WIZ: variants seen among roughly 807,000 people sequenced by gnomAD.
The protein encoded by WIZ is protein Wiz.
A neutral mutation model predicts 140.2 loss-of-function variants in WIZ; 25 were observed. That is an observed-to-expected ratio of 0.18 (90% CI 0.13 to 0.25). The LOEUF is 0.25. WIZ is among the 10% of genes least tolerant of loss of function. The pLI is 1.00. For missense variants in WIZ, 2,231 were observed against 2,632.6 expected (o/e 0.85, Z 3.34); for synonymous variants, 1,125 against 1,154.3 (o/e 0.97, Z 0.51).
chr19:15,422,947 A>C lies in WIZ; in HGVS notation c.*129T>G. 1 of 1,370,854 alleles carries C rather than the reference A, an allele frequency of 7.3e-7. No homozygotes were observed. The highest frequency in any genetic ancestry group is 9.7e-7 in the Non-Finnish European group (1 of 1,031,452). 84.9% of individuals were successfully genotyped at this position (1,370,854 alleles called of 1,614,324 possible). A position where few individuals can be genotyped will look rare whatever the true frequency, so the allele number is the denominator to read the frequency against. ...CTGGCTGTAGTGTGCCCGGCCCCCAAGGGGCGCCGGTTTGAGGTTTTGGCT... is the reference window on the plus strand; with the variant it reads ...CTGGCTGTAGTGTGCCCGGCCCCCACGGGGCGCCGGTTTGAGGTTTTGGCT... On this transcript the variant is annotated 3_prime_UTR_variant, in exon 13 of 13. Coordinates refer to ENST00000673675, the MANE Select transcript of WIZ (RefSeq NM_001371589.1).
chr19:15,426,213 G>C (rs1279645393), intron 9 of WIZ, among the ~76,000 whole-genome samples: 1 of 151,986 alleles, frequency 6.6e-6, no homozygotes, highest in Admixed American at 6.6e-5. Context: ...ACTTTGGGAC[G>C]GTCTAAAATG....
At chr19:15,432,513 CGGTGGTGGT>C (rs924028663) in intron 5 of WIZ, 2 of 434,358 alleles carry the variant, frequency 4.6e-6, no homozygotes, top group African/African-American at 2.7e-5. Context: ...GTGGCGGTGG[CGGTGGTGGT>C]GGCGGCGGCG....
rs1279655168 is a variant in WIZ, at chr19:15,439,101, C to T, written c.1893G>A (p.Glu631=). Reference sequence around the variant, plus strand: ...CCCCATTTTCAGGGGAAAAATCCATCTCGGAGGTCAGCACTACATCCTCCT... The same window carrying T: ...CCCCATTTTCAGGGGAAAAATCCATTTCGGAGGTCAGCACTACATCCTCCT... The part of the protein sequence containing the change: ...EEEEDVVLTS[E]MDFSPENGVF... The change falls in exon 4 of 13, where the codon GAG becomes GAA. Residue 631 remains glutamate (E), a synonymous_variant. Coordinates refer to ENST00000673675, the MANE Select transcript of WIZ (RefSeq NM_001371589.1). The surrounding 1 kb of genome is among the most constrained non-coding windows in gnomAD (Gnocchi z 7.0). 2.7e-6 allele frequency: 4 copies of T among 1,490,054 alleles called. No homozygotes were observed. The African/African-American group carries it at 4.2e-5, about 16-fold the overall frequency. The allele number at this position is 1,490,054 out of a possible 1,614,324, so 92.3% of individuals were successfully genotyped here.
In WIZ at chr19:15,431,081, T is replaced by G; in HGVS notation, c.2842A>C (p.Ser948Arg). ...GCAGCCACTTTGCTGCTCAGCCGAC[T>G]GGCCACCTGCTCCAGGGCCCCAGGG... ...PVPGALEQVASRLSSKVAAEV... is the reference protein window; with the variant it reads ...PVPGALEQVARRLSSKVAAEV... Residue 948 changes from serine to arginine, a missense_variant, in exon 6 of 13, where the codon AGT becomes CGT. Ser to Arg is a moderately radical substitution (Grantham distance 110). Transcript: ENST00000673675. 6.5e-7 allele frequency: 1 copy of G among 1,535,986 alleles called. No homozygotes were observed. The highest frequency in any genetic ancestry group is 8.7e-7 in the Non-Finnish European group (1 of 1,146,824).
chr19:15,448,430 A>T, intron 1 of WIZ, 63 bp from the exon 2 acceptor site: 1 of 1,273,074 alleles, frequency 7.9e-7, no homozygotes, highest in Non-Finnish European at 1.1e-6. Flanking sequence ...TCAGTTTCCC[A>T]TCCCTCAAAA....
At position 15,427,457 on chromosome 19, in the gene WIZ, C is replaced by T. The variant is rs758030451; in HGVS notation, c.3891G>A (p.Ser1297=). Residue 1297 remains serine (S), a synonymous_variant, in exon 9 of 13, where the codon TCG becomes TCA. Transcript: ENST00000673675. The surrounding 1 kb of genome is among the most constrained non-coding windows in gnomAD (Gnocchi z 6.4). Reference sequence around the variant, plus strand: ...GCCGCAGATGGGAGCGCGCGTGGCTCGAGAGGCCCTTGCGGTTCTCGAAGA... The same window carrying T: ...GCCGCAGATGGGAGCGCGCGTGGCTTGAGAGGCCCTTGCGGTTCTCGAAGA... ...GEFFENRKGL[S]SHARSHLRQM... 25 of 1,613,442 alleles carry T rather than the reference C, an allele frequency of 1.5e-5. No homozygotes were observed. The African/African-American group carries it at 2.7e-4, about 17-fold the overall frequency.
chr19:15,425,125 C>G, intron 10 of WIZ, 93 bp from the exon 11 acceptor site: 1 of 1,514,550 alleles, frequency 6.6e-7, no homozygotes. Context: ...ATCCCGCCTC[C>G]CACACAGACC....
Position 15,438,834 on chromosome 19 carries a change from C to T in WIZ, c.2160G>A (p.Leu720=). 4 of 1,492,978 alleles carry T rather than the reference C, an allele frequency of 2.7e-6. No individual in the cohort carries two copies. The South Asian group carries it at 3.7e-5, about 14-fold the overall frequency. The allele number at this position is 1,492,978 out of a possible 1,614,324, so 92.5% of individuals were successfully genotyped here. The stretch of plus-strand genomic sequence containing the variant: ...GGCCGCCCAGCGGCGCGTCCAGGAG[C>T]AGGAAGTCCAGGGGGTGGGCGCCTG... ...GLAGAHPLDF[L]LLDAPLGGPL... The change falls in exon 4 of 13, where the codon CTG becomes CTA. Residue 720 remains leucine, a synonymous_variant. Coordinates refer to ENST00000673675, the MANE Select transcript of WIZ (RefSeq NM_001371589.1).
Position 15,430,101 on chromosome 19 carries a change from C to T in WIZ, c.2912-12G>A, listed in dbSNP as rs1969133222. 2 of 1,509,736 alleles carry T rather than the reference C, an allele frequency of 1.3e-6. No individual in the cohort carries two copies. Among genetic ancestry groups the T allele is most frequent in the Non-Finnish European group, 1.8e-6 (2 of 1,130,320 alleles). 93.5% of individuals were successfully genotyped at this position (1,509,736 alleles called of 1,614,324 possible). A position where few individuals can be genotyped will look rare whatever the true frequency, so the allele number is the denominator to read the frequency against. On this transcript the variant is annotated splice_polypyrimidine_tract_variant and intron_variant, in intron 6 of 12. Coordinates refer to ENST00000673675, the MANE Select transcript of WIZ (RefSeq NM_001371589.1). ...GGTCAGGCTCTGGGCTGAAGGGCAA[C>T]ACAGAGGCCGGGAGAGCAGGCTGTG...
chr19:15,447,705 G>C (rs2145417113), intron 2 of WIZ, among the ~76,000 whole-genome samples: 1 of 152,346 alleles, frequency 6.6e-6, no homozygotes, highest in Non-Finnish European at 1.5e-5. Context: ...CCGTGGTTCA[G>C]GAACAGGATA....
chr19:15,430,790 G>A (rs970684701), intron 6 of WIZ, among the ~76,000 whole-genome samples: 1 of 152,240 alleles, frequency 6.6e-6, no homozygotes, highest in Non-Finnish European at 1.5e-5. Context: ...GCTTCTGGAT[G>A]CTGTCCCTCG....
chr19:15,424,558 G>T lies in WIZ; in HGVS notation c.5314+55C>A. 6.5e-7 allele frequency: 1 copy of T among 1,540,614 alleles called. No individual in the cohort carries two copies. On this transcript the variant is annotated intron_variant, in intron 11 of 12. Coordinates refer to ENST00000673675, the MANE Select transcript of WIZ (RefSeq NM_001371589.1). This position sits in a 1 kb window ranked among gnomAD's most constrained non-coding sequence, Gnocchi z 9.7. ...CAGCAGAGCGCCTGGGGAGTGGCTG[G>T]GTGGGCCTGACAGGTGCCCGCTGCG...
rs1309523824 is a variant in WIZ at position 15,428,847 on chromosome 19, C to T, written c.3416-339G>A. On this transcript the variant is annotated intron_variant, in intron 7 of 12. Transcript: ENST00000673675. This position sits in a 1 kb window ranked among gnomAD's most constrained non-coding sequence, Gnocchi z 6.4. ...TGCTGGGCTCACGCAGCCAAGGGCA[C>T]ACCTGCTCAAGGCCCTGCCCCTGGA... Among the ~76,000 whole-genome samples the T allele has an allele frequency of 1.3e-5, 2 of 152,166 alleles. No individual in the cohort carries two copies.
chr19:15,435,232 AC>A (rs1680302906), intron 5 of WIZ, among the ~76,000 whole-genome samples: 1 of 151,912 alleles, frequency 6.6e-6, no homozygotes, highest in Admixed American at 6.6e-5. Flanking sequence ...CAACCAACAA[AC>A]AAAAAAAAAC....
intron 5 of WIZ, among the ~76,000 whole-genome samples, chr19:15,432,272 G>C (rs1969296716): frequency 6.6e-6 from 1 of 151,952 alleles, no homozygotes; most frequent in African/African-American, 2.4e-5. Context: ...CTGAGGCCTG[G>C]GACCCTGCGA....
At position 15,431,160 on chromosome 19, in the gene WIZ, T is replaced by C. The variant is rs1422121273; in HGVS notation, c.2763A>G (p.Ala921=). 1 of 1,531,106 alleles carries C rather than the reference T, an allele frequency of 6.5e-7. No individual in the cohort carries two copies. Among genetic ancestry groups the C allele is most frequent in the Non-Finnish European group, 8.7e-7 (1 of 1,143,866 alleles). 94.8% of individuals were successfully genotyped at this position (1,531,106 alleles called of 1,614,324 possible). A position where few individuals can be genotyped will look rare whatever the true frequency, so the allele number is the denominator to read the frequency against. The part of the protein sequence containing the change: ...YGDGLGSEEN[A]MVAMDLGSPS... ...GAGAGCCCAAGTCCATGGCCACCATTGCGTTTTCCTCAGAACCCAGGCCTG... is the reference window on the plus strand; with the variant it reads ...GAGAGCCCAAGTCCATGGCCACCATCGCGTTTTCCTCAGAACCCAGGCCTG... The change falls in exon 6 of 13, where the codon GCA becomes GCG. Residue 921 remains alanine (A), a synonymous_variant. Coordinates refer to ENST00000673675, the MANE Select transcript of WIZ (RefSeq NM_001371589.1).
chr19:15,449,906 T>A lies in WIZ; in HGVS notation c.-169A>T, dbSNP rs915916322. 2.0e-5 allele frequency: 3 copies of A among 148,878 alleles called. No individual in the cohort carries two copies. The highest frequency in any genetic ancestry group is 7.4e-5 in the African/African-American group (3 of 40,536). The allele number at this position is 148,878 out of a possible 1,614,324, so 9.2% of individuals were successfully genotyped here. ...CGCTCCCGGTGCCGGTGCCGCGGCC[T>A]CCGCAGCCGCCGCCGCCTCCACCGC... On this transcript the variant is annotated 5_prime_UTR_variant, in exon 1 of 13. Coordinates refer to ENST00000673675, the MANE Select transcript of WIZ (RefSeq NM_001371589.1).
chr19:15,428,290 G>A lies in WIZ; in HGVS notation c.3634C>T (p.Pro1212Ser), dbSNP rs1174604327. 1 of 1,530,168 alleles carries A rather than the reference G, an allele frequency of 6.5e-7. No individual in the cohort carries two copies. The highest frequency in any genetic ancestry group is 8.7e-7 in the Non-Finnish European group (1 of 1,144,538). The allele number at this position is 1,530,168 out of a possible 1,614,324, so 94.8% of individuals were successfully genotyped here. The change falls in exon 8 of 13, where the codon CCG becomes TCG. Residue 1212 changes from proline (P) to serine (S), a missense_variant. Transcript: ENST00000673675. This position sits in a 1 kb window ranked among gnomAD's most constrained non-coding sequence, Gnocchi z 6.4. Reference sequence around the variant, plus strand: ...GCGGAGGTGGGAGGCGGCCGCCCCGGGTGGGCCAGGGCGCCGCGCCTGGGT... The same window carrying A: ...GCGGAGGTGGGAGGCGGCCGCCCCGAGTGGGCCAGGGCGCCGCGCCTGGGT... ...LPPRRGALAH[P>S]GRPPPTSAAL...
At chr19:15,426,721 C>T (rs146744502) in intron 9 of WIZ, among the ~76,000 whole-genome samples, 27 of 152,348 alleles carry the variant, frequency 1.8e-4, no homozygotes, top group African/African-American at 5.1e-4. Flanking sequence ...CACTACCAAT[C>T]GATTGAAATG....
Sources: allele counts gnomAD v4.1 joint callset (sites outside exome capture counted in the v4.1 genomes callset), GRCh38; gene constraint gnomAD v4.1.1; non-coding constraint Gnocchi (gnomAD v3.1); transcripts MANE v1.5; gene names NCBI Gene and HGNC (gene_info 2026-07-23, HGNC 2026-07-21).